Variants in BRSK1 observed in about 807,000 individuals in gnomAD.
BRSK1 encodes BR serine/threonine kinase 1, also known as serine/threonine-protein kinase BRSK1.
Under a neutral mutation model 86.2 loss-of-function variants are expected in BRSK1, and 17 were observed. The ratio of observed to expected loss-of-function variants is 0.20; its 90% CI spans 0.14 to 0.30. BRSK1 has a LOEUF of 0.30. BRSK1 is among the 10% of genes least tolerant of loss of function. The probability of loss-of-function intolerance (pLI) is 1.00; values close to 1 mark genes in which losing one functional copy is unlikely to be tolerated. For missense variants in BRSK1, 719 were observed against 1,071.9 expected (o/e 0.67, Z 4.60); for synonymous variants, 464 against 440.1 (o/e 1.05, Z -0.68).
intron 7 of BRSK1, among the ~76,000 whole-genome samples, chr19:55,296,764 T>C (rs550871064): frequency 2.3e-4 from 35 of 151,310 alleles, no homozygotes; most frequent in African/African-American, 2.4e-4. Context: ...AGGAGAATGG[T>C]GTGAACCCGG....
intron 1 of BRSK1, among the ~76,000 whole-genome samples, 180 bp from the exon 2 acceptor site, chr19:55,286,827 A>G (rs1435049712): frequency 6.6e-6 from 1 of 151,848 alleles, no homozygotes; most frequent in Non-Finnish European, 1.5e-5. Context: ...AGGGAGGGGA[A>G]GGGTGGTTTT....
At position 55,312,156 on chromosome 19, in the gene BRSK1, A is replaced by C; in HGVS notation, c.*88A>C. On this transcript the variant is annotated 3_prime_UTR_variant, in exon 19 of 19. Transcript: ENST00000309383. ...AATCTGTAAATAAGGCCCAAGGAAC[A>C]TGTCGGGAGGGGGGTGGACACAAAA... is the stretch of plus-strand genomic sequence containing the variant. 1 of 599,274 alleles carries C rather than the reference A, an allele frequency of 1.7e-6. No homozygotes were observed. Among genetic ancestry groups the C allele is most frequent in the Non-Finnish European group, 2.8e-6 (1 of 358,114 alleles). The allele number at this position is 599,274 out of a possible 1,614,324, so 37.1% of individuals were successfully genotyped here. A position where few individuals can be genotyped will look rare whatever the true frequency, so the allele number is the denominator to read the frequency against.
intron 4 of BRSK1, among the ~76,000 whole-genome samples, chr19:55,292,143 A>C (rs1490705325): frequency 6.6e-6 from 1 of 152,192 alleles, no homozygotes; most frequent in Non-Finnish European, 1.5e-5. Flanking sequence ...GGAGATATTC[A>C]ACGTATTTAA....
chr19:55,286,925 CAG>C, intron 1 of BRSK1, 80 bp from the exon 2 acceptor site: 6 of 1,295,070 alleles, frequency 4.6e-6, no homozygotes, highest in East Asian at 2.3e-5. Flanking sequence ...AAGGAGCAAA[CAG>C]GGTGGCCAAG....
chr19:55,299,365 G>A (rs568926294), intron 7 of BRSK1, among the ~76,000 whole-genome samples: 39 of 143,144 alleles, frequency 2.7e-4, no homozygotes, highest in African/African-American at 9.6e-4. Flanking sequence ...GTTATAATTT[G>A]TTTTGGTTTT....
intron 4 of BRSK1, among the ~76,000 whole-genome samples, chr19:55,290,496 T>A (rs1236781037): frequency 6.6e-6 from 1 of 152,204 alleles, no homozygotes; most frequent in Non-Finnish European, 1.5e-5. Flanking sequence ...TAGATGCAAG[T>A]CTTTCATCAG....
At chr19:55,297,965 A>G (rs536067088) in intron 7 of BRSK1, among the ~76,000 whole-genome samples, 124 of 151,944 alleles carry the variant, frequency 8.2e-4, no homozygotes, top group African/African-American at 2.6e-3. Context: ...GGCACCTGCT[A>G]CCATGCCTGG....
Position 55,302,812 on chromosome 19 carries a change from T to A in BRSK1, c.973T>A (p.Ser325Thr). The change falls in exon 10 of 19, where the codon TCA becomes ACA. Residue 325 changes from serine (S) to threonine (T), a missense_variant. Around this residue, in one of 6 missense-constraint regions of BRSK1, gnomAD observed 168 missense variants for 246.3 expected, o/e 0.68. Coordinates refer to ENST00000309383, the MANE Select transcript of BRSK1 (RefSeq NM_032430.2). This position sits in a 1 kb window ranked among gnomAD's most constrained non-coding sequence, Gnocchi z 6.3. ...CCCCGACGTCCTAGAGAGCATGGCA[T>A]CACTGGGCTGCTTCAGGGACCGCGA... ...LDPDVLESMA[S>T]LGCFRDRERL... 1 of 1,613,816 alleles carries A rather than the reference T, an allele frequency of 6.2e-7. No homozygotes were observed. Among genetic ancestry groups the A allele is most frequent in the Non-Finnish European group, 8.5e-7 (1 of 1,179,948 alleles).
chr19:55,303,858 C>T lies in BRSK1; in HGVS notation c.1286+32C>T. The T allele has an allele frequency of 6.5e-7, 1 of 1,542,738 alleles. No homozygotes were observed. Among genetic ancestry groups the T allele is most frequent in the East Asian group, 2.3e-5 (1 of 44,266 alleles). On this transcript the variant is annotated intron_variant, in intron 12 of 18. Transcript: ENST00000309383. The surrounding 1 kb of genome is among the most constrained non-coding windows in gnomAD (Gnocchi z 5.1). ...GCCCCTGTCCCTCCAGGAGGATCCA[C>T]AATCCCTGGGTCTAGGAGTTCAAGA...
At chr19:55,299,534 C>T (rs1030960648) in intron 7 of BRSK1, among the ~76,000 whole-genome samples, 8 of 151,710 alleles carry the variant, frequency 5.3e-5, no homozygotes, top group South Asian at 4.2e-4. Flanking sequence ...TACAGGCGCC[C>T]GCCACTTTGC....
At chr19:55,284,801 C>G (rs1235778597) in intron 1 of BRSK1, among the ~76,000 whole-genome samples, 2 of 146,950 alleles carry the variant, frequency 1.4e-5, no homozygotes, top group Admixed American at 6.7e-5. Context: ...ACTCCTGGGT[C>G]TGAGGGAGGA....
At position 55,287,062 on chromosome 19, in the gene BRSK1, C is replaced by G. The variant is rs141208516; in HGVS notation, c.192C>G (p.Ile64Met). The G allele has an allele frequency of 6.2e-7, 1 of 1,612,684 alleles. No individual in the cohort carries two copies. ...CGGGTCAGAAGGTCGCCATCAAGAT[C>G]GTGAACCGGGAGAAGCTGTCGGAGT... ...CITGQKVAIK[I>M]VNREKLSESV... The change falls in exon 2 of 19, where the codon ATC becomes ATG. Residue 64 changes from isoleucine (I) to methionine (M), a missense_variant. Transcript: ENST00000309383. This position sits in a 1 kb window ranked among gnomAD's most constrained non-coding sequence, Gnocchi z 5.3.
chr19:55,302,025 G>T lies in BRSK1; in HGVS notation c.826-112G>T. 8.3e-7 allele frequency: 1 copy of T among 1,210,280 alleles called. No individual in the cohort carries two copies. Among genetic ancestry groups the T allele is most frequent in the South Asian group, 1.2e-5 (1 of 83,050 alleles). 75.0% of individuals were successfully genotyped at this position (1,210,280 alleles called of 1,614,324 possible). A position where few individuals can be genotyped will look rare whatever the true frequency, so the allele number is the denominator to read the frequency against. On this transcript the variant is annotated intron_variant, in intron 8 of 18. Coordinates refer to ENST00000309383, the MANE Select transcript of BRSK1 (RefSeq NM_032430.2). This position sits in a 1 kb window ranked among gnomAD's most constrained non-coding sequence, Gnocchi z 6.3. ...TGTAATATGTCATCCTGCCCCCGGTGGGGTGGGCGGGGAGATGATCAGGGA... is the reference window on the plus strand; with the variant it reads ...TGTAATATGTCATCCTGCCCCCGGTTGGGTGGGCGGGGAGATGATCAGGGA...
At chr19:55,300,505 C>T (rs964933601) in intron 7 of BRSK1, among the ~76,000 whole-genome samples, 4 of 152,104 alleles carry the variant, frequency 2.6e-5, no homozygotes, top group African/African-American at 9.7e-5. Context: ...GACTTCAAGA[C>T]CAGCCTGGCC....
chr19:55,285,884 A>T (rs181329243), intron 1 of BRSK1, among the ~76,000 whole-genome samples: 3 of 151,972 alleles, frequency 2.0e-5, no homozygotes, highest in African/African-American at 7.2e-5. Flanking sequence ...GAGTGGTAAG[A>T]GTGTGAAGGT....
intron 7 of BRSK1, among the ~76,000 whole-genome samples, chr19:55,301,283 G>C (rs1488010471): frequency 1.3e-5 from 2 of 152,194 alleles, no homozygotes; most frequent in Non-Finnish European, 2.9e-5. Flanking sequence ...CTGTCTAAAA[G>C]GAACAGCCTC....
At chr19:55,308,148 G>A (rs2088691813) in intron 17 of BRSK1, among the ~76,000 whole-genome samples, 3 of 151,308 alleles carry the variant, frequency 2.0e-5, no homozygotes, top group Admixed American at 2.0e-4. Flanking sequence ...AGCCTCCCGA[G>A]TAGCTGGGAT....
intron 1 of BRSK1, 112 bp downstream of exon 1, chr19:55,284,690 C>G (rs1259254888): frequency 2.1e-6 from 2 of 973,244 alleles, no homozygotes; most frequent in East Asian, 3.3e-5. Flanking sequence ...CCCCTGGGCC[C>G]CTCATAGAGA....
At chr19:55,295,159 G>C (rs1306457264) in intron 7 of BRSK1, among the ~76,000 whole-genome samples, 1 of 151,424 alleles carries the variant, frequency 6.6e-6, no homozygotes, top group Non-Finnish European at 1.5e-5. Context: ...ATCTCTCTCT[G>C]TCGCCCAGGC....
Sources: gnomAD v4.1 joint callset for allele counts (sites outside exome capture counted in the v4.1 genomes callset) on GRCh38, gnomAD v4.1.1 for gene constraint, gnomAD v4.1.1 regional missense constraint, Gnocchi (gnomAD v3.1) non-coding constraint, MANE v1.5 for transcripts, NCBI Gene and HGNC (gene_info 2026-07-23, HGNC 2026-07-21) for gene names.